ARK2C: variants seen among roughly 807,000 people sequenced by gnomAD.
ARK2C encodes arkadia (RNF111) C-terminal like ring finger ubiquitin ligase 2C, also known as E3 ubiquitin-protein ligase ARK2C.
chr18:46,377,623 G>A, the ARK2C span, among the ~76,000 whole-genome samples: 2 of 152,192 alleles, frequency 1.3e-5, no homozygotes, highest in Non-Finnish European at 2.9e-5. Flanking sequence ...GGTAAAGGGA[G>A]AGGCACATAT....
At chr18:46,425,445 G>C in the ARK2C span, among the ~76,000 whole-genome samples, 1 of 152,232 alleles carries the variant, frequency 6.6e-6, no homozygotes, top group Admixed American at 6.5e-5. Flanking sequence ...GGCCTTTCAG[G>C]CTGCCTGTTC....
At chr18:46,380,619 G>T in the ARK2C span, among the ~76,000 whole-genome samples, 1 of 152,122 alleles carries the variant, frequency 6.6e-6, no homozygotes, top group African/African-American at 2.4e-5. Context: ...CTGGTCGCTG[G>T]GAGGCTGGAG....
At chr18:46,357,528 T>G in the ARK2C span, among the ~76,000 whole-genome samples, 1 of 152,196 alleles carries the variant, frequency 6.6e-6, no homozygotes, top group African/African-American at 2.4e-5. Flanking sequence ...GAGAATTTCT[T>G]GAACTCCTTT....
At chr18:46,416,910 C>T in the ARK2C span, among the ~76,000 whole-genome samples, 1 of 152,172 alleles carries the variant, frequency 6.6e-6, no homozygotes, top group Non-Finnish European at 1.5e-5. Flanking sequence ...AGTCACGTGG[C>T]CATGCCCAGA....
the ARK2C span, among the ~76,000 whole-genome samples, chr18:46,349,650 T>C: frequency 1.3e-5 from 2 of 152,190 alleles, no homozygotes; most frequent in Non-Finnish European, 2.9e-5. Flanking sequence ...TCTTGGCCAC[T>C]GGGGGTGCTT....
At chr18:46,455,506 G>A in the ARK2C span, among the ~76,000 whole-genome samples, 1 of 152,138 alleles carries the variant, frequency 6.6e-6, no homozygotes, top group African/African-American at 2.4e-5. Context: ...TGCCCTTGCT[G>A]CAGGAGAGTA....
At chr18:46,357,731 G>T in the ARK2C span, among the ~76,000 whole-genome samples, 5 of 152,238 alleles carry the variant, frequency 3.3e-5, no homozygotes, top group Non-Finnish European at 7.3e-5. Flanking sequence ...CCGATGAGGG[G>T]TCTGTTGGCT....
chr18:46,411,530 T>A, the ARK2C span, among the ~76,000 whole-genome samples: 1 of 152,216 alleles, frequency 6.6e-6, no homozygotes, highest in Non-Finnish European at 1.5e-5. Context: ...ATTTGGTAAG[T>A]TCCTACTATG....
the ARK2C span, among the ~76,000 whole-genome samples, chr18:46,413,192 G>C: frequency 1.3e-5 from 2 of 152,090 alleles, no homozygotes; most frequent in Non-Finnish European, 2.9e-5. Context: ...CTCTCGAGTG[G>C]AATTAGAATA....
the ARK2C span, among the ~76,000 whole-genome samples, chr18:46,353,082 G>A: frequency 6.6e-6 from 1 of 152,232 alleles, no homozygotes; most frequent in East Asian, 1.9e-4. Context: ...CCGGCCTGTG[G>A]CGATTGGATG....
chr18:46,447,336 G>C, the ARK2C span: 5 of 474,934 alleles, frequency 1.1e-5, no homozygotes, highest in South Asian at 1.3e-4. Flanking sequence ...AAATTTCATA[G>C]AGCCTGGATT....
chr18:46,410,036 C>A, the ARK2C span, among the ~76,000 whole-genome samples: 1 of 152,126 alleles, frequency 6.6e-6, no homozygotes, highest in African/African-American at 2.4e-5. Flanking sequence ...GAGGTTGCAC[C>A]AAATTATAAT....
At chr18:46,362,720 G>C in the ARK2C span, among the ~76,000 whole-genome samples, 9,960 of 152,300 alleles carry the variant, frequency 0.065, 593 homozygotes, top group African/African-American at 0.16. Context: ...AACCACATCA[G>C]GTTGAATGGC....
chr18:46,391,015 C>T, the ARK2C span, among the ~76,000 whole-genome samples: 1 of 152,180 alleles, frequency 6.6e-6, no homozygotes, highest in Non-Finnish European at 1.5e-5. Flanking sequence ...AAATTCTGCA[C>T]ATTTAATAAT....
the ARK2C span, among the ~76,000 whole-genome samples, chr18:46,375,858 G>T: frequency 1.3e-5 from 2 of 152,198 alleles, no homozygotes; most frequent in African/African-American, 4.8e-5. Flanking sequence ...GTTGATCAGG[G>T]TTCCAGGCCC....
the ARK2C span, among the ~76,000 whole-genome samples, chr18:46,375,105 C>T: frequency 6.6e-6 from 1 of 152,228 alleles, no homozygotes; most frequent in Non-Finnish European, 1.5e-5. Context: ...CAGGCTTTAT[C>T]TGCATCTGCC....
the ARK2C span, among the ~76,000 whole-genome samples, chr18:46,345,252 AG>A: frequency 6.6e-6 from 1 of 152,104 alleles, no homozygotes; most frequent in Non-Finnish European, 1.5e-5. Context: ...GAACTAAAGG[AG>A]GGGGTGAGGG....
chr18:46,399,548 G>A, the ARK2C span, among the ~76,000 whole-genome samples: 1 of 152,210 alleles, frequency 6.6e-6, no homozygotes, highest in African/African-American at 2.4e-5. Flanking sequence ...GGCCAGGGCA[G>A]GATGAGTGGA....
the ARK2C span, among the ~76,000 whole-genome samples, chr18:46,417,764 G>A: frequency 1.0e-3 from 157 of 152,334 alleles, 2 homozygotes; most frequent in South Asian, 0.02. Context: ...AGCACTTTGA[G>A]AGGCCGAGGC....
Sources: gnomAD v4.1 joint callset for allele counts (sites outside exome capture counted in the v4.1 genomes callset) on GRCh38, gnomAD v4.1.1 for gene constraint, MANE v1.5 for transcripts, NCBI Gene and HGNC (gene_info 2026-07-23, HGNC 2026-07-21) for gene names.